Variants in ABCA5 observed in about 807,000 individuals in gnomAD.
ABCA5 encodes ATP binding cassette subfamily A member 5.
A neutral mutation model predicts 206.0 loss-of-function variants in ABCA5; 163 were observed. The ratio of observed to expected loss-of-function variants is 0.79; its 90% confidence interval spans 0.70 to 0.90. ABCA5 has a LOEUF of 0.90. Among genes scored for constraint, ABCA5 ranks in the 40% least tolerant of loss-of-function variants. The pLI is 0.00. For missense variants in ABCA5, 1,859 were observed against 1,912.9 expected, an observed-to-expected ratio of 0.97 and a Z score of 0.53; for synonymous variants, 609 against 613.8, an observed-to-expected ratio of 0.99 and a Z score of 0.11.
At position 69,264,845 on chromosome 17, in the gene ABCA5, G is replaced by T; in HGVS notation, c.3205C>A (p.Gln1069Lys). ...AATAAGGGGATATCAACAACAGCTTGTCCAATCCAATATGCAGATGGCAAA... is the reference window on the plus strand; with the variant it reads ...AATAAGGGGATATCAACAACAGCTTTTCCAATCCAATATGCAGATGGCAAA... The part of the protein sequence containing the change: ...GLLPSAYWIG[Q>K]AVVDIPLFFI... Residue 1069 changes from glutamine to lysine, a missense_variant, in exon 24 of 39, where the codon CAA (glutamine) becomes AAA (lysine). Transcript: ENST00000392676. 6.3e-7 allele frequency: 1 copy of T among 1,596,946 alleles called. No homozygotes were observed. The highest frequency in any genetic ancestry group is 8.5e-7 in the Non-Finnish European group (1 of 1,172,220).
intron 37 of ABCA5, chr17:69,249,675 C>T (rs1396505936): frequency 4.2e-6 from 2 of 478,244 alleles, no homozygotes; most frequent in Non-Finnish European, 7.3e-6. Flanking sequence ...TAGTGTTTAC[C>T]TGTGTCTTAG....
At chr17:69,251,602 T>TCCA (rs778739594) in intron 35 of ABCA5, 145 bp downstream of exon 35, 292 of 1,113,188 alleles carry the variant, frequency 2.6e-4, no homozygotes, top group Non-Finnish European at 3.3e-4. Context: ...TCAACATACT[T>TCCA]CCAAGTCAAT....
intron 10 of ABCA5, among the ~76,000 whole-genome samples, chr17:69,295,700 T>A (rs1035394247): frequency 2.0e-5 from 3 of 152,210 alleles, no homozygotes; most frequent in Admixed American, 2.0e-4. Context: ...TAACTTACTA[T>A]AATCTGTGTA....
rs1014321387 is a variant in ABCA5, at chr17:69,297,265, A to T, written c.1362T>A (p.Asn454Lys). 5 of 1,612,924 alleles carry T rather than the reference A, an allele frequency of 3.1e-6. No individual in the cohort carries two copies. Among genetic ancestry groups the T allele is most frequent in the Non-Finnish European group, 4.2e-6 (5 of 1,179,572 alleles). ...KRNYEELSEG[N>K]VNGNISFSEI... ...CACTAAAACTAATATTTCCATTAAC[A>T]TTGCCCTCTGATAACTCCTCATAAT... Residue 454 changes from asparagine (N) to lysine (K), a missense_variant, in exon 10 of 39, where the codon AAT (asparagine) becomes AAA (lysine). Transcript: ENST00000392676.
intron 14 of ABCA5, among the ~76,000 whole-genome samples, chr17:69,288,572 G>T (rs554842826): frequency 6.6e-6 from 1 of 151,822 alleles, no homozygotes; most frequent in South Asian, 2.1e-4. Context: ...ATTTTTTAAA[G>T]AAATAAAACA....
rs199641093 is a variant in ABCA5 at position 69,254,325 on chromosome 17, C to G, written c.4234G>C (p.Val1412Leu). ...AGACAATTATTTTACCGACTTATGA[C>G]TTCTTTCATGTCACTTGCACTCATT... ...KGMSASDMKE[V>L]ISRITHALDL... Residue 1412 changes from valine (V) to leucine (L), a missense_variant, in exon 32 of 39, where the codon GTC becomes CTC. Val to Leu is a conservative substitution (Grantham distance 32). Coordinates refer to ENST00000392676, the MANE Select transcript of ABCA5 (RefSeq NM_172232.4). 1.3e-5 allele frequency: 21 copies of G among 1,604,242 alleles called. No homozygotes were observed. Among genetic ancestry groups the G allele is most frequent in the Non-Finnish European group, 1.7e-5 (20 of 1,175,324 alleles).
chr17:69,313,005 A>T, intron 3 of ABCA5, 87 bp downstream of exon 3: 2 of 799,178 alleles, frequency 2.5e-6, no homozygotes, highest in South Asian at 7.3e-5. Flanking sequence ...CTAAGTGTTA[A>T]GACTGCTATT....
chr17:69,257,443 G>C (rs781165210), intron 28 of ABCA5, among the ~76,000 whole-genome samples: 2 of 151,624 alleles, frequency 1.3e-5, no homozygotes, highest in Non-Finnish European at 2.9e-5. Context: ...GAGCCTATTA[G>C]ACAATGAAAA....
chr17:69,280,140 A>T (rs1286696907), intron 18 of ABCA5, among the ~76,000 whole-genome samples: 1 of 152,074 alleles, frequency 6.6e-6, no homozygotes, highest in Non-Finnish European at 1.5e-5. Context: ...CTCATCTGAC[A>T]AAGGGCTAAT....
intron 23 of ABCA5, among the ~76,000 whole-genome samples, chr17:69,266,915 C>T (rs547138759): frequency 9.2e-4 from 139 of 151,674 alleles, no homozygotes; most frequent in African/African-American, 3.1e-3. Flanking sequence ...GCTCTTGTTG[C>T]CCAGGCTGGA....
intron 24 of ABCA5, among the ~76,000 whole-genome samples, chr17:69,263,141 T>C (rs2075168036): frequency 2.0e-5 from 3 of 152,190 alleles, no homozygotes; most frequent in Admixed American, 2.0e-4. Context: ...ACTTGGCCTT[T>C]GTTGGATGCA....
chr17:69,283,376 T>G (rs996250308), intron 18 of ABCA5, among the ~76,000 whole-genome samples: 32 of 152,292 alleles, frequency 2.1e-4, no homozygotes, highest in African/African-American at 7.5e-4. Flanking sequence ...TTTATAATAC[T>G]CTTATCATTC....
intron 3 of ABCA5, among the ~76,000 whole-genome samples, chr17:69,311,235 A>G (rs1478528272): frequency 1.3e-5 from 2 of 152,122 alleles, no homozygotes; most frequent in Non-Finnish European, 2.9e-5. Context: ...TAGATTCTAA[A>G]GTATTACTTA....
chr17:69,271,116 C>A (rs367741963), intron 21 of ABCA5, 46 bp downstream of exon 21: 54 of 1,568,480 alleles, frequency 3.4e-5, no homozygotes, highest in Non-Finnish European at 4.5e-5. Context: ...ACGTTTTAAT[C>A]TTGCATAACT....
chr17:69,294,117 T>A (rs886277480), intron 11 of ABCA5, among the ~76,000 whole-genome samples: 3 of 152,252 alleles, frequency 2.0e-5, no homozygotes, highest in Non-Finnish European at 4.4e-5. Context: ...CATAGCCTTA[T>A]TCAAATAATT....
At chr17:69,318,637 C>A in intron 1 of ABCA5, 1 of 328,080 alleles carries the variant, frequency 3.0e-6, no homozygotes. Context: ...AAATTAAAAA[C>A]AGCAAAACAA....
At chr17:69,299,621 T>C (rs2075630229) in intron 9 of ABCA5, among the ~76,000 whole-genome samples, 1 of 151,994 alleles carries the variant, frequency 6.6e-6, no homozygotes, top group South Asian at 2.1e-4. Flanking sequence ...ATATTGTATG[T>C]TCTCACTCAT....
In ABCA5 at chr17:69,289,864, C is replaced by T. The variant is rs756891451; in HGVS notation, c.1780G>A (p.Glu594Lys). The T allele has an allele frequency of 6.3e-7, 1 of 1,597,648 alleles. No individual in the cohort carries two copies. Among genetic ancestry groups the T allele is most frequent in the South Asian group, 1.1e-5 (1 of 89,138 alleles). Residue 594 changes from glutamate to lysine, a missense_variant and splice_region_variant, in exon 13 of 39, where the codon GAA (glutamate) becomes AAA (lysine). Glu to Lys is a moderately conservative substitution (Grantham distance 56). Transcript: ENST00000392676. ...KGIPANNIIQ[E>K]VQKVLLDLDM... Reference sequence around the variant, plus strand: ...AGATTTCTATATGAATAGCATACTTCTTGTATTATATTGTTGGCTGGTATC... The same window carrying T: ...AGATTTCTATATGAATAGCATACTTTTTGTATTATATTGTTGGCTGGTATC...
intron 14 of ABCA5, 45 bp from the exon 15 acceptor site, chr17:69,287,796 C>T (rs2075476011): frequency 6.3e-7 from 1 of 1,575,612 alleles, no homozygotes; most frequent in African/African-American, 1.4e-5. Flanking sequence ...CTCAGAAAAA[C>T]TAAATATTAA....
Sources: allele counts gnomAD v4.1 joint callset (sites outside exome capture counted in the v4.1 genomes callset), GRCh38; gene constraint gnomAD v4.1.1; transcripts MANE v1.5; gene names NCBI Gene and HGNC (gene_info 2026-07-23, HGNC 2026-07-21).